The following FRYL variants were observed in gnomAD, a reference collection of about 807,000 sequenced individuals.
The protein encoded by FRYL is protein furry homolog-like.
In FRYL, 150 loss-of-function variants were observed where a neutral mutation model predicts 351.2. The observed-to-expected ratio is 0.43, with a 90% CI of 0.37 to 0.49. FRYL has a LOEUF of 0.49. Among genes scored for constraint, FRYL ranks in the 20% least tolerant of loss-of-function variants. The pLI is 0.00. For synonymous variants in FRYL, 1,153 were observed against 1,257.1 expected, an observed-to-expected ratio of 0.92 and a Z score of 1.75; for missense variants, 3,036 against 3,619.3, an observed-to-expected ratio of 0.84 and a Z score of 4.13.
intron 19 of FRYL, among the ~76,000 whole-genome samples, chr4:48,586,321 A>G (rs1461851366): frequency 6.6e-6 from 1 of 152,116 alleles, no homozygotes; most frequent in Non-Finnish European, 1.5e-5. Flanking sequence ...TAATGCCCAT[A>G]TGTTAAGGGA....
chr4:48,768,425 T>C (rs1336797751), intron 1 of FRYL, among the ~76,000 whole-genome samples: 13 of 152,232 alleles, frequency 8.5e-5, no homozygotes, highest in African/African-American at 3.1e-4. Flanking sequence ...GTGATTATTT[T>C]GTAAAACATA....
At position 48,544,732 on chromosome 4, in the gene FRYL, T is replaced by C. The variant is rs1207237229; in HGVS notation, c.5401+51A>G. 2.7e-6 allele frequency: 4 copies of C among 1,474,938 alleles called. No individual in the cohort carries two copies. In the South Asian group the frequency reaches 5.7e-5, roughly 21 times the overall value. The allele number at this position is 1,474,938 out of a possible 1,614,324, so 91.4% of individuals were successfully genotyped here. A position where few individuals can be genotyped will look rare whatever the true frequency, so the allele number is the denominator to read the frequency against. On this transcript the variant is annotated intron_variant, in intron 43 of 63. Coordinates refer to ENST00000358350, the MANE Select transcript of FRYL (RefSeq NM_015030.2). ...ACTTTTTGCTAAGCATTATCAGAAATTGACATCACATTAAAATGTCACTAA... is the reference window on the plus strand; with the variant it reads ...ACTTTTTGCTAAGCATTATCAGAAACTGACATCACATTAAAATGTCACTAA...
Position 48,582,480 on chromosome 4 carries a change from A to C in FRYL, c.1986+17T>G, listed in dbSNP as rs776868642. On this transcript the variant is annotated intron_variant, in intron 20 of 63. Transcript: ENST00000358350. ...CACTGACCACATACAAAAGGACAAT[A>C]GAAAAGAATCTGGTACCTGAGTGTC... is the stretch of plus-strand genomic sequence containing the variant. 4 of 1,517,816 alleles carry C rather than the reference A, an allele frequency of 2.6e-6. No individual in the cohort carries two copies. Among genetic ancestry groups the C allele is most frequent in the Non-Finnish European group, 3.7e-6 (4 of 1,092,690 alleles). 94.0% of individuals were successfully genotyped at this position (1,517,816 alleles called of 1,614,324 possible).
At chr4:48,702,754 C>A (rs1185389729) in intron 2 of FRYL, among the ~76,000 whole-genome samples, 1 of 106,186 alleles carries the variant, frequency 9.4e-6, no homozygotes, top group East Asian at 2.5e-4. Flanking sequence ...GAGCAAGACT[C>A]CGTCTCAAAA....
intron 60 of FRYL, 85 bp downstream of exon 60, chr4:48,505,462 T>TAATC (rs1205426232): frequency 2.5e-6 from 2 of 787,462 alleles, no homozygotes; most frequent in Non-Finnish European, 4.4e-6. Context: ...TTTTTAGAAA[T>TAATC]AATCAAATAA....
chr4:48,618,979 G>A (rs552193049), intron 7 of FRYL: 5 of 256,662 alleles, frequency 1.9e-5, no homozygotes, highest in African/African-American at 8.9e-5. Flanking sequence ...TAGCTGAATG[G>A]CAGGCAAACT....
At chr4:48,607,078 C>T (rs1746999946) in intron 9 of FRYL, among the ~76,000 whole-genome samples, 1 of 152,170 alleles carries the variant, frequency 6.6e-6, no homozygotes, top group East Asian at 1.9e-4. Context: ...AAAATCAATA[C>T]ATCATTACAC....
At chr4:48,736,864 A>C (rs1297764295) in intron 1 of FRYL, among the ~76,000 whole-genome samples, 1 of 150,118 alleles carries the variant, frequency 6.7e-6, no homozygotes, top group Non-Finnish European at 1.5e-5. Flanking sequence ...AAAAAAAAAA[A>C]AAAAAAGAAA....
intron 22 of FRYL, among the ~76,000 whole-genome samples, chr4:48,580,153 A>AT: frequency 6.6e-6 from 1 of 152,262 alleles, no homozygotes; most frequent in South Asian, 2.1e-4. Context: ...CTCATGAATT[A>AT]TAAGAATCAG....
In FRYL at chr4:48,521,304, C is replaced by T. The variant is rs1724839224; in HGVS notation, c.7522-89G>A. The T allele has an allele frequency of 1.6e-5, 14 of 897,964 alleles. No individual in the cohort carries two copies. The South Asian group carries it at 1.9e-4, about 12-fold the overall frequency. The allele number at this position is 897,964 out of a possible 1,614,324, so 55.6% of individuals were successfully genotyped here. On this transcript the variant is annotated intron_variant, in intron 54 of 63. Transcript: ENST00000358350. ...CTATCATAAAATATTTTAGGGGCTT[C>T]GTTATAAAGAGCTTCTGAGATTTCC...
intron 22 of FRYL, chr4:48,580,307 C>G (rs985985209): frequency 1.3e-5 from 2 of 152,124 alleles, no homozygotes; most frequent in African/African-American, 4.8e-5. Context: ...TTTACCCAAC[C>G]AAGACCAAGC....
rs1766455578 is a variant in FRYL at position 48,698,866 on chromosome 4, C to T, written c.-204+11653G>A. 2.0e-5 allele frequency among the ~76,000 whole-genome samples: 3 copies of T among 149,278 alleles called. No individual in the cohort carries two copies. The South Asian group carries it at 6.3e-4, about 32-fold the overall frequency. ...TGGTTAAGTCAGTCTAAACAAGTAA[C>T]AAATATAGGAGGGTAGAATTCAGAA... On this transcript the variant is annotated intron_variant, in intron 2 of 63. Coordinates refer to ENST00000358350, the MANE Select transcript of FRYL (RefSeq NM_015030.2).
chr4:48,556,421 G>A (rs1314828328), intron 35 of FRYL, among the ~76,000 whole-genome samples: 2 of 152,176 alleles, frequency 1.3e-5, no homozygotes, highest in Non-Finnish European at 2.9e-5. Context: ...TATCTTCTTC[G>A]TTTCATATCT....
chr4:48,692,755 G>A (rs1765791407), intron 2 of FRYL, among the ~76,000 whole-genome samples: 1 of 152,094 alleles, frequency 6.6e-6, no homozygotes, highest in African/African-American at 2.4e-5. Flanking sequence ...GTTGTTAGAG[G>A]TTTATGTCAT....
chr4:48,702,572 G>A (rs1244029054), intron 2 of FRYL, among the ~76,000 whole-genome samples: 2 of 146,794 alleles, frequency 1.4e-5, no homozygotes, highest in African/African-American at 2.5e-5. Flanking sequence ...TCAGGAGATC[G>A]AGACCATGGT....
At chr4:48,616,126 G>T (rs1749377456) in intron 7 of FRYL, among the ~76,000 whole-genome samples, 2 of 151,972 alleles carry the variant, frequency 1.3e-5, no homozygotes, top group Non-Finnish European at 2.9e-5. Flanking sequence ...TAGCTGATGG[G>T]TTGATGGGTG....
At chr4:48,590,898 T>C in intron 16 of FRYL, 68 bp from the exon 17 acceptor site, 1 of 1,224,520 alleles carries the variant, frequency 8.2e-7, no homozygotes. Flanking sequence ...ATGTTAGAAA[T>C]ATTTCATCAG....
At chr4:48,724,583 G>A (rs77310780) in intron 1 of FRYL, among the ~76,000 whole-genome samples, 1 of 152,212 alleles carries the variant, frequency 6.6e-6, no homozygotes. Context: ...GGTGCGGGGG[G>A]GCTGTCTTGT....
chr4:48,767,939 C>T (rs1378088717), intron 1 of FRYL, among the ~76,000 whole-genome samples: 2 of 152,188 alleles, frequency 1.3e-5, no homozygotes, highest in Non-Finnish European at 1.5e-5. Context: ...CTCAGAGATC[C>T]CCTTGTGGGT....
Sources: gnomAD v4.1 joint callset for allele counts (sites outside exome capture counted in the v4.1 genomes callset) on GRCh38, gnomAD v4.1.1 for gene constraint, MANE v1.5 for transcripts, NCBI Gene and HGNC (gene_info 2026-07-23, HGNC 2026-07-21) for gene names.